LINGO2: variants seen among roughly 807,000 people sequenced by gnomAD.
LINGO2 encodes the protein leucine-rich repeat and immunoglobulin-like domain-containing nogo receptor-interacting protein 2.
A neutral mutation model predicts 30.6 loss-of-function variants in LINGO2; 14 were observed. The ratio of observed to expected loss-of-function variants is 0.46; its 90% CI spans 0.30 to 0.72. The LOEUF (loss-of-function observed/expected upper bound fraction) is 0.72. LINGO2 is among the 30% of genes least tolerant of loss of function. LINGO2 has a pLI of 0.07. For synonymous variants in LINGO2, 317 were observed against 288.5 expected, an observed-to-expected ratio of 1.10 and a Z score of -1.00; for missense variants, 729 against 751.7, an observed-to-expected ratio of 0.97 and a Z score of 0.35.
the LINGO2 span, among the ~76,000 whole-genome samples, chr9:28,963,923 G>T: frequency 1.3e-5 from 2 of 151,810 alleles, no homozygotes; most frequent in Admixed American, 6.6e-5. Context: ...TAGCATAAAA[G>T]GTTTCAAATA....
chr9:28,740,122 A>G, the LINGO2 span, among the ~76,000 whole-genome samples: 1 of 151,720 alleles, frequency 6.6e-6, no homozygotes, highest in Non-Finnish European at 1.5e-5. Flanking sequence ...TGATCTTAAT[A>G]TTTTAAAATT....
At chr9:28,328,953 T>TA (rs1564126565) in intron 3 of LINGO2, among the ~76,000 whole-genome samples, 1 of 152,052 alleles carries the variant, frequency 6.6e-6, no homozygotes, top group African/African-American at 2.4e-5. Context: ...GACAAAAAAA[T>TA]AATATCTAAG....
At chr9:28,667,961 T>C (rs1828865858) in intron 1 of LINGO2, among the ~76,000 whole-genome samples, 1 of 152,278 alleles carries the variant, frequency 6.6e-6, no homozygotes, top group African/African-American at 2.4e-5. Flanking sequence ...ATGTTAGTCA[T>C]CACACTGGTG....
At chr9:28,402,925 A>G (rs1288866007) in intron 2 of LINGO2, among the ~76,000 whole-genome samples, 1 of 152,194 alleles carries the variant, frequency 6.6e-6, no homozygotes, top group African/African-American at 2.4e-5. Context: ...TGGCAAAATC[A>G]CATCGGGTCT....
chr9:28,559,556 A>G (rs1822930163), intron 1 of LINGO2, among the ~76,000 whole-genome samples: 1 of 152,138 alleles, frequency 6.6e-6, no homozygotes. Context: ...GGCCTTTGGT[A>G]TATGACTGTG....
chr9:28,310,977 A>C (rs1415688243), intron 3 of LINGO2, among the ~76,000 whole-genome samples: 2 of 152,106 alleles, frequency 1.3e-5, no homozygotes, highest in Non-Finnish European at 2.9e-5. Context: ...TATTGGGGGA[A>C]ATTCAGCCAG....
chr9:29,091,913 C>T, the LINGO2 span, among the ~76,000 whole-genome samples: 1 of 151,920 alleles, frequency 6.6e-6, no homozygotes, highest in African/African-American at 2.4e-5. Flanking sequence ...TTATAGCCAT[C>T]CTTCATACAC....
intron 2 of LINGO2, among the ~76,000 whole-genome samples, chr9:28,446,175 A>C (rs542637054): frequency 2.0e-4 from 30 of 152,222 alleles, no homozygotes; most frequent in African/African-American, 7.0e-4. Context: ...TATCACTAGG[A>C]TATGGAATGA....
the LINGO2 span, among the ~76,000 whole-genome samples, chr9:28,910,057 A>G: frequency 3.3e-5 from 5 of 152,180 alleles, no homozygotes; most frequent in East Asian, 9.7e-4. Flanking sequence ...CATAAAATGA[A>G]CTTCCTCCTC....
At chr9:28,750,655 A>G in the LINGO2 span, among the ~76,000 whole-genome samples, 14 of 152,130 alleles carry the variant, frequency 9.2e-5, no homozygotes, top group Non-Finnish European at 1.9e-4. Flanking sequence ...TTTGTGTCTA[A>G]CTGTTTATAT....
At chr9:28,649,407 A>G (rs1005967034) in intron 1 of LINGO2, among the ~76,000 whole-genome samples, 3 of 152,154 alleles carry the variant, frequency 2.0e-5, no homozygotes, top group Non-Finnish European at 4.4e-5. Context: ...TATAGAGGGA[A>G]AAACTGAGGT....
At chr9:28,810,234 A>G in the LINGO2 span, among the ~76,000 whole-genome samples, 5 of 152,164 alleles carry the variant, frequency 3.3e-5, no homozygotes, top group African/African-American at 4.8e-5. Context: ...GATGTGTTTT[A>G]TTTGCATGGT....
the LINGO2 span, among the ~76,000 whole-genome samples, chr9:28,687,607 TTC>T: frequency 6.6e-6 from 1 of 152,064 alleles, no homozygotes; most frequent in African/African-American, 2.4e-5. Flanking sequence ...TTTGTCCTCT[TTC>T]TCTCTCAGAT....
intron 1 of LINGO2, among the ~76,000 whole-genome samples, chr9:28,556,595 C>G (rs1324940488): frequency 6.6e-6 from 1 of 151,982 alleles, no homozygotes; most frequent in Non-Finnish European, 1.5e-5. Context: ...AGATTCAATG[C>G]CATCCCCATC....
chr9:28,253,420 G>C (rs1822275182), intron 4 of LINGO2, among the ~76,000 whole-genome samples: 1 of 152,118 alleles, frequency 6.6e-6, no homozygotes, highest in Admixed American at 6.6e-5. Flanking sequence ...AATTATTTTA[G>C]AATTTATGAT....
the LINGO2 span, among the ~76,000 whole-genome samples, chr9:29,054,835 G>A: frequency 6.6e-6 from 1 of 152,092 alleles, no homozygotes; most frequent in Non-Finnish European, 1.5e-5. Context: ...CAGAGATAAT[G>A]AAAATTAGAC....
At chr9:29,149,510 C>T in the LINGO2 span, among the ~76,000 whole-genome samples, 2 of 152,008 alleles carry the variant, frequency 1.3e-5, no homozygotes, top group African/African-American at 2.4e-5. Context: ...AGAGGCAACG[C>T]GGGCACCGAG....
intron 1 of LINGO2, among the ~76,000 whole-genome samples, chr9:28,618,500 T>A (rs746027486): frequency 6.6e-6 from 1 of 152,154 alleles, no homozygotes; most frequent in South Asian, 2.1e-4. Context: ...TATTTTTTAA[T>A]ATAAATTGTC....
the LINGO2 span, among the ~76,000 whole-genome samples, chr9:29,179,672 T>C: frequency 6.6e-6 from 1 of 152,204 alleles, no homozygotes; most frequent in East Asian, 1.9e-4. Context: ...CCCAAAGTGC[T>C]GGGATTACAG....
Sources: allele counts gnomAD v4.1 joint callset (sites outside exome capture counted in the v4.1 genomes callset), GRCh38; gene constraint gnomAD v4.1.1; transcripts MANE v1.5; gene names NCBI Gene and HGNC (gene_info 2026-07-23, HGNC 2026-07-21).